Variants in ZKSCAN7 observed in about 807,000 individuals in gnomAD.
The protein encoded by ZKSCAN7 is zinc finger protein with KRAB and SCAN domains 7.
Under a neutral mutation model 65.3 loss-of-function variants are expected in ZKSCAN7, and 38 were observed. That is an observed-to-expected ratio of 0.58 (90% CI 0.45 to 0.76). The LOEUF (loss-of-function observed/expected upper bound fraction) is 0.76. Ranked by LOEUF, ZKSCAN7 falls within the 30% of genes least tolerant of loss-of-function variation. The pLI is 0.00. For missense variants in ZKSCAN7, 815 were observed against 913.3 expected (o/e 0.89, Z 1.39); for synonymous variants, 321 against 321.0 (o/e 1.00, Z 0.00).
downstream of ZKSCAN7, among the ~76,000 whole-genome samples, chr3:44,573,037 A>G (rs1161320544): frequency 6.6e-6 from 1 of 152,250 alleles, no homozygotes; most frequent in Non-Finnish European, 1.5e-5. Flanking sequence ...GACTAGTCCT[A>G]TCTACCTACA....
In ZKSCAN7 at chr3:44,571,306, C is replaced by T; in HGVS notation, c.2196C>T (p.Ser732=). ...GTGGGAAAGCCTTTAGTCAGCGTTC[C>T]ACTTTTAATCACCACCAGCGAACTC... ...SECGKAFSQR[S]TFNHHQRTHT... is the part of the protein sequence containing the mutation. Residue 732 remains serine, a synonymous_variant, in exon 6 of 6, where the codon TCC becomes TCT. Transcript: ENST00000426540. 6.2e-7 allele frequency: 1 copy of T among 1,614,242 alleles called. No homozygotes were observed. The highest frequency in any genetic ancestry group is 8.5e-7 in the Non-Finnish European group (1 of 1,180,048).
intron 5 of ZKSCAN7, among the ~76,000 whole-genome samples, chr3:44,569,176 C>T (rs950513003): frequency 6.6e-6 from 1 of 152,216 alleles, no homozygotes; most frequent in African/African-American, 2.4e-5. Context: ...GCCTAACCTA[C>T]AAATAGACCC....
At chr3:44,562,741 G>A (rs1466365729) in intron 2 of ZKSCAN7, among the ~76,000 whole-genome samples, 1 of 152,176 alleles carries the variant, frequency 6.6e-6, no homozygotes, top group African/African-American at 2.4e-5. Context: ...CCAGCACTTT[G>A]GGAGGCTGAG....
intron 3 of ZKSCAN7, among the ~76,000 whole-genome samples, chr3:44,566,967 T>G (rs995696133): frequency 2.0e-5 from 3 of 151,966 alleles, no homozygotes; most frequent in African/African-American, 7.3e-5. Flanking sequence ...AATACAAAAA[T>G]TAGCCAGGCA....
chr3:44,556,743 A>T lies in ZKSCAN7; in HGVS notation c.-118-187A>T, dbSNP rs80023910. Among the ~76,000 whole-genome samples, 43 of 152,292 alleles carry T rather than the reference A, an allele frequency of 2.8e-4. No homozygotes were observed. The East Asian group carries it at 8.3e-3, about 29-fold the overall frequency. On this transcript the variant is annotated intron_variant, in intron 1 of 5. Coordinates refer to ENST00000426540, the MANE Select transcript of ZKSCAN7 (RefSeq NM_001288590.2). ...CTGTGAATGCAAGGCATAGACATTT[A>T]GATTTTATCCTGTAGGTAATGGGAG...
chr3:44,562,805 C>A (rs1243738591), intron 2 of ZKSCAN7, among the ~76,000 whole-genome samples: 1 of 152,012 alleles, frequency 6.6e-6, no homozygotes, highest in Non-Finnish European at 1.5e-5. Flanking sequence ...CCCATCTCTA[C>A]TAAAAATACA....
intron 3 of ZKSCAN7, among the ~76,000 whole-genome samples, chr3:44,566,361 A>G (rs1030994820): frequency 6.6e-6 from 1 of 152,074 alleles, no homozygotes; most frequent in Non-Finnish European, 1.5e-5. Flanking sequence ...CAGGAGGATT[A>G]CTCTGGCACA....
At chr3:44,576,314 C>G (rs543039003), downstream of ZKSCAN7, among the ~76,000 whole-genome samples, 27 of 152,192 alleles carry the variant, frequency 1.8e-4, no homozygotes, top group Non-Finnish European at 3.2e-4. Flanking sequence ...GCCCCTATCT[C>G]AGATATCAAA....
chr3:44,566,986 G>A (rs1373256864), intron 3 of ZKSCAN7, among the ~76,000 whole-genome samples: 1 of 151,942 alleles, frequency 6.6e-6, no homozygotes, highest in Admixed American at 6.6e-5. Flanking sequence ...CATAGTGGCA[G>A]GTACTTGTAA....
At chr3:44,581,115 T>TCGCCGGCCCTGC in intron 5 of ZKSCAN7, 1 of 994,454 alleles carries the variant, frequency 1.0e-6, no homozygotes, top group Non-Finnish European at 1.2e-6. Context: ...GCCGCATCCC[T>TCGCCGGCCCTGC]CGCCGGCCCT....
intron 2 of ZKSCAN7, among the ~76,000 whole-genome samples, chr3:44,564,992 A>G (rs1699590629): frequency 6.6e-6 from 1 of 152,010 alleles, no homozygotes; most frequent in African/African-American, 2.4e-5. Context: ...TAGTAGAGAC[A>G]GGATTTCGCC....
intron 2 of ZKSCAN7, among the ~76,000 whole-genome samples, chr3:44,561,842 C>T (rs557014251): frequency 1.7e-3 from 257 of 152,358 alleles, no homozygotes; most frequent in African/African-American, 5.8e-3. Flanking sequence ...CATCCTGGCC[C>T]CTGTGGCTCT....
In ZKSCAN7 at chr3:44,570,559, T is replaced by G; in HGVS notation, c.1449T>G (p.Thr483=). Residue 483 remains threonine, a synonymous_variant, in exon 6 of 6, where the codon ACT becomes ACG. Transcript: ENST00000426540. Reference sequence around the variant, plus strand: ...CCTTTACTCAGAGTTCCCGACTCACTGACCACCAGAGAACCCATACTGGGG... The same window carrying G: ...CCTTTACTCAGAGTTCCCGACTCACGGACCACCAGAGAACCCATACTGGGG... ...AKAFTQSSRL[T]DHQRTHTGEK... is the part of the protein sequence containing the mutation. 1 of 1,612,520 alleles carries G rather than the reference T, an allele frequency of 6.2e-7. No homozygotes were observed. Among genetic ancestry groups the G allele is most frequent in the East Asian group, 2.2e-5 (1 of 44,864 alleles).
chr3:44,559,748 T>G (rs140776932), intron 2 of ZKSCAN7, among the ~76,000 whole-genome samples: 18 of 152,356 alleles, frequency 1.2e-4, no homozygotes, highest in African/African-American at 4.3e-4. Flanking sequence ...TTTTAAAAAA[T>G]GATTACATAT....
intron 5 of ZKSCAN7, 148 bp from the exon 6 acceptor site, chr3:44,569,774 T>A: frequency 7.6e-7 from 1 of 1,312,080 alleles, no homozygotes; most frequent in Non-Finnish European, 9.8e-7. Context: ...GAGCTATTAA[T>A]ATTTCCCATT....
chr3:44,580,118 C>T, intron 5 of ZKSCAN7: 1 of 1,610,256 alleles, frequency 6.2e-7, no homozygotes, highest in Non-Finnish European at 8.5e-7. Flanking sequence ...AGGCCTCAAA[C>T]TTTTCAATCA....
downstream of ZKSCAN7, chr3:44,572,191 C>T (rs901749032): frequency 2.2e-4 from 216 of 985,276 alleles, 1 homozygote; most frequent in Non-Finnish European, 2.1e-4. Context: ...AAAGTATGCA[C>T]GATCTTTCTC....
In ZKSCAN7 at chr3:44,580,702, C is replaced by T. The variant is rs141157934; in HGVS notation, c.812-2270C>T. ...AACCTCTGGCCCGTGCGGCCCTCCC[C>T]ATCCACCACATCTGTGCACTGGTTC... is the stretch of plus-strand genomic sequence containing the variant. On this transcript the variant is annotated intron_variant, in intron 5 of 5. Coordinates refer to the ZKSCAN7 transcript ENST00000341840. The T allele has an allele frequency of 1.6e-3, 2,577 of 1,613,970 alleles. 31 individuals are homozygous for T. The African/African-American group carries it at 0.031, about 19-fold the overall frequency.
chr3:44,572,045 T>C lies in ZKSCAN7; in HGVS notation c.*670T>C. On this transcript the variant is annotated 3_prime_UTR_variant, in exon 6 of 6. Transcript: ENST00000426540. ...TTGCCTTGTAAATTTTGCGTGTCTG[T>C]ATACTTTTATACCAACTTATTGTAG... The C allele has an allele frequency of 2.0e-6, 2 of 985,748 alleles. No individual in the cohort carries two copies. Among genetic ancestry groups the C allele is most frequent in the East Asian group, 2.3e-4 (2 of 8,826 alleles). 61.1% of individuals were successfully genotyped at this position (985,748 alleles called of 1,614,324 possible).
Sources: gnomAD v4.1 joint callset for allele counts (sites outside exome capture counted in the v4.1 genomes callset) on GRCh38, gnomAD v4.1.1 for gene constraint, MANE v1.5 for transcripts, NCBI Gene and HGNC (gene_info 2026-07-23, HGNC 2026-07-21) for gene names.